The following AKAP13 variants were observed in gnomAD, a reference collection of about 807,000 sequenced individuals.
The protein encoded by AKAP13 is A-kinase anchoring protein 13, also known as A-kinase anchor protein 13.
Under a neutral mutation model 264.5 loss-of-function variants are expected in AKAP13, and 80 were observed. The ratio of observed to expected loss-of-function variants is 0.30; its 90% confidence interval spans 0.25 to 0.36. The LOEUF (loss-of-function observed/expected upper bound fraction) is 0.36. Among genes scored for constraint, AKAP13 ranks in the 10% least tolerant of loss-of-function variants. The pLI, the probability that AKAP13 is intolerant of heterozygous loss-of-function variation, is 1.00. For synonymous variants in AKAP13, 1,380 were observed against 1,250.2 expected (o/e 1.10, Z -2.19); for missense variants, 3,712 against 3,435.2 (o/e 1.08, Z -2.01).
chr15:85,472,341 T>TAAA (rs770466257), intron 1 of AKAP13, among the ~76,000 whole-genome samples: 1 of 133,136 alleles, frequency 7.5e-6, no homozygotes. Flanking sequence ...ACCCATCTCT[T>TAAA]AAAAAAAAAA....
chr15:85,401,316 C>G (rs1052721480), intron 1 of AKAP13, among the ~76,000 whole-genome samples: 1 of 151,750 alleles, frequency 6.6e-6, no homozygotes, highest in Non-Finnish European at 1.5e-5. Flanking sequence ...CTGTTAGTTT[C>G]GTTATGAAGT....
At chr15:85,440,886 G>T (rs2073616902) in intron 1 of AKAP13, among the ~76,000 whole-genome samples, 1 of 152,138 alleles carries the variant, frequency 6.6e-6, no homozygotes, top group African/African-American at 2.4e-5. Context: ...AAAAAATTCT[G>T]CAGTGGCTTA....
At chr15:85,500,204 A>T (rs1022620935) in intron 2 of AKAP13, among the ~76,000 whole-genome samples, 4 of 152,118 alleles carry the variant, frequency 2.6e-5, no homozygotes, top group African/African-American at 9.7e-5. Context: ...TAGAGCCTCT[A>T]AGAGGTGCTC....
intron 1 of AKAP13, among the ~76,000 whole-genome samples, chr15:85,464,706 A>G (rs185301954): frequency 6.8e-4 from 104 of 152,322 alleles, no homozygotes; most frequent in Non-Finnish European, 1.2e-3. Flanking sequence ...TGTAACTAGA[A>G]TTTAACCTCA....
At chr15:85,588,005 C>A (rs1160730238) in intron 8 of AKAP13, among the ~76,000 whole-genome samples, 1 of 148,398 alleles carries the variant, frequency 6.7e-6, no homozygotes, top group African/African-American at 2.5e-5. Flanking sequence ...GCTTTAGATT[C>A]CATGGTGGTC....
chr15:85,541,693 C>T (rs568591567), intron 4 of AKAP13, among the ~76,000 whole-genome samples: 224 of 152,280 alleles, frequency 1.5e-3, no homozygotes, highest in African/African-American at 5.0e-3. Flanking sequence ...TTCATTTGCA[C>T]AATGAAGATA....
chr15:85,579,324 G>C lies in AKAP13; in HGVS notation c.1256G>C (p.Gly419Ala). ...VKGTEGLSSC[G>A]NRNEETGTKS... ...GGCACGGAAGGCCTTTCGTCCTGTG[G>C]AAACAGAAATGAAGAAACTGGAACA... is the stretch of plus-strand genomic sequence containing the variant. The change falls in exon 7 of 37, where the codon GGA becomes GCA. Residue 419 changes from glycine (G) to alanine (A), a missense_variant. By Grantham distance (60) the Gly-to-Ala change is moderately conservative (BLOSUM62 0). Around this residue, in one of 3 missense-constraint regions of AKAP13, gnomAD observed 2,759 missense variants for 2,411.7 expected, o/e 1.14. Coordinates refer to ENST00000394518, the MANE Select transcript of AKAP13 (RefSeq NM_007200.5). 6.2e-7 allele frequency: 1 copy of C among 1,614,236 alleles called. No individual in the cohort carries two copies. Among genetic ancestry groups the C allele is most frequent in the African/African-American group, 1.3e-5 (1 of 75,060 alleles).
At chr15:85,645,398 G>A (rs767123871) in intron 9 of AKAP13, among the ~76,000 whole-genome samples, 2 of 152,110 alleles carry the variant, frequency 1.3e-5, no homozygotes, top group African/African-American at 2.4e-5. Flanking sequence ...GAACCTATAA[G>A]TTTAAAACAA....
intron 1 of AKAP13, among the ~76,000 whole-genome samples, chr15:85,389,239 C>T (rs747316423): frequency 7.2e-5 from 11 of 152,268 alleles, no homozygotes; most frequent in African/African-American, 2.6e-4. Context: ...CCTCTTCTCT[C>T]GTACTCTGCA....
intron 1 of AKAP13, among the ~76,000 whole-genome samples, chr15:85,468,386 A>G (rs1045663003): frequency 2.0e-5 from 3 of 152,228 alleles, no homozygotes; most frequent in African/African-American, 7.2e-5. Context: ...AGTTTGGACT[A>G]TTTAAAATCT....
chr15:85,685,881 G>A (rs755148010), intron 16 of AKAP13, among the ~76,000 whole-genome samples: 1 of 151,998 alleles, frequency 6.6e-6, no homozygotes, highest in Non-Finnish European at 1.5e-5. Flanking sequence ...GAATAACCCC[G>A]CTTAGAGATA....
chr15:85,594,958 G>A (rs550537042), intron 8 of AKAP13, among the ~76,000 whole-genome samples: 1 of 152,278 alleles, frequency 6.6e-6, no homozygotes, highest in South Asian at 2.1e-4. Flanking sequence ...ACCAATTTCA[G>A]ATGTTTCTAG....
intron 14 of AKAP13, among the ~76,000 whole-genome samples, chr15:85,671,433 CAAAAAAA>C (rs11296113): frequency 1.1e-4 from 8 of 70,562 alleles, no homozygotes; most frequent in African/African-American, 2.7e-4. Context: ...GACACTGCCT[CAAAAAAA>C]AAAAAAAAAA....
chr15:85,711,478 A>G (rs1000729778), intron 19 of AKAP13, among the ~76,000 whole-genome samples: 5 of 152,186 alleles, frequency 3.3e-5, no homozygotes, highest in African/African-American at 1.2e-4. Context: ...TTTAAATTAG[A>G]TAATATGACT....
chr15:85,424,877 A>G (rs1424923136), intron 1 of AKAP13, among the ~76,000 whole-genome samples: 2 of 152,226 alleles, frequency 1.3e-5, no homozygotes, highest in East Asian at 3.8e-4. Flanking sequence ...GGGAATAGGG[A>G]GACTCAAGAA....
chr15:85,399,105 T>A (rs2071262166), intron 1 of AKAP13, among the ~76,000 whole-genome samples: 1 of 152,240 alleles, frequency 6.6e-6, no homozygotes, highest in African/African-American at 2.4e-5. Context: ...ATTGTCAAGT[T>A]GTCTACAGAA....
intron 15 of AKAP13, chr15:85,684,422 G>A (rs895134649): frequency 3.3e-5 from 6 of 184,480 alleles, no homozygotes; most frequent in Admixed American, 6.2e-5. Flanking sequence ...AAATAGCCAG[G>A]CGTGGTGGCA....
At chr15:85,569,019 A>G (rs999978307) in intron 5 of AKAP13, among the ~76,000 whole-genome samples, 1 of 152,226 alleles carries the variant, frequency 6.6e-6, no homozygotes, top group Non-Finnish European at 1.5e-5. Flanking sequence ...AAGCATTGCA[A>G]ACACGAAGTC....
chr15:85,404,790 T>TA lies in AKAP13; in HGVS notation c.-12+23992_-12+23993insA, dbSNP rs540411794. Among the ~76,000 whole-genome samples the TA allele has an allele frequency of 4.4e-4, 67 of 152,358 alleles. No individual in the cohort carries two copies. In the East Asian group the frequency reaches 0.011, roughly 25 times the overall value. On this transcript the variant is annotated intron_variant, in intron 1 of 36. Transcript: ENST00000394518. ...TAGGGGCTCAGTAATCTTTACTGAA[T>TA]GAATGGCTGTTAGATTGTGGCTGTG... is the stretch of plus-strand genomic sequence containing the variant.
Sources: gnomAD v4.1 joint callset for allele counts (sites outside exome capture counted in the v4.1 genomes callset) on GRCh38, gnomAD v4.1.1 for gene constraint, gnomAD v4.1.1 regional missense constraint, MANE v1.5 for transcripts, NCBI Gene and HGNC (gene_info 2026-07-23, HGNC 2026-07-21) for gene names.